The following LIPI variants were observed in gnomAD, a reference collection of about 807,000 sequenced individuals.
LIPI encodes the protein lipase I, also known as lipase member I.
In LIPI, 59 loss-of-function variants were observed where a neutral mutation model predicts 50.6. That is an observed-to-expected ratio of 1.16 (90% CI 0.94 to 1.45). LIPI has a LOEUF of 1.45. LIPI is among the 40% of genes most tolerant of loss of function. The pLI is 0.00. For missense variants in LIPI, 586 were observed against 536.3 expected, an observed-to-expected ratio of 1.09 and a Z score of -0.92; for synonymous variants, 203 against 178.2, an observed-to-expected ratio of 1.14 and a Z score of -1.11.
chr21:14,171,147 C>A (rs1371502271), intron 4 of LIPI, among the ~76,000 whole-genome samples: 1 of 150,366 alleles, frequency 6.7e-6, no homozygotes, highest in Non-Finnish European at 1.5e-5. Context: ...ACCTAGGAAT[C>A]CAACTTACAA....
chr21:14,152,118 T>C (rs895889541), intron 8 of LIPI, among the ~76,000 whole-genome samples: 4 of 148,530 alleles, frequency 2.7e-5, no homozygotes, highest in Non-Finnish European at 5.9e-5. Context: ...TTTATTTATT[T>C]GAAATGGAGT....
chr21:14,111,092 G>C (rs1169232008), intron 9 of LIPI, among the ~76,000 whole-genome samples: 1 of 151,614 alleles, frequency 6.6e-6, no homozygotes, highest in Non-Finnish European at 1.5e-5. Flanking sequence ...CATTTCCTTT[G>C]ATATACACCC....
chr21:14,205,712 T>C (rs377327004), intron 1 of LIPI, among the ~76,000 whole-genome samples: 3 of 152,238 alleles, frequency 2.0e-5, no homozygotes, highest in East Asian at 3.9e-4. Flanking sequence ...AATATTCATT[T>C]CTTAGTTTAA....
In LIPI at chr21:14,158,661, T is replaced by C. The variant is rs544163633; in HGVS notation, c.1006+4758A>G. Among the ~76,000 whole-genome samples the C allele has an allele frequency of 2.0e-5, 3 of 148,962 alleles. No individual in the cohort carries two copies. In the East Asian group the frequency reaches 5.8e-4, roughly 29 times the overall value. On this transcript the variant is annotated intron_variant, in intron 7 of 9. Coordinates refer to ENST00000681601, the MANE Select transcript of LIPI (RefSeq NM_001302998.2). Reference sequence around the variant, plus strand: ...TATAGAGAGAGAACAAAGCAGAAATTAATGAAATTTAATAACAGAACATGA... The same window carrying C: ...TATAGAGAGAGAACAAAGCAGAAATCAATGAAATTTAATAACAGAACATGA...
At chr21:14,184,012 A>G (rs2019365846) in intron 3 of LIPI, among the ~76,000 whole-genome samples, 1 of 152,196 alleles carries the variant, frequency 6.6e-6, no homozygotes, top group Non-Finnish European at 1.5e-5. Context: ...TGCTGCTATA[A>G]AGACACATGC....
Position 14,161,589 on chromosome 21 carries a change from TATATA to T in LIPI, c.1006+1825_1006+1829del, listed in dbSNP as rs1416547235. Among the ~76,000 whole-genome samples the T allele has an allele frequency of 4.6e-3, 529 of 116,094 alleles. 20 individuals are homozygous for T. The highest frequency in any genetic ancestry group is 0.018 in the African/African-American group (490 of 27,308). 76.2% of individuals were successfully genotyped at this position (116,094 alleles called of 152,430 possible). On this transcript the variant is annotated intron_variant, in intron 7 of 9. Transcript: ENST00000681601. ...ATCTATTATATATATAATATATATC[TATATA>T]ATATATTAATATATAATATACATAT...
At chr21:14,146,725 T>G (rs2017917083) in intron 8 of LIPI, among the ~76,000 whole-genome samples, 1 of 151,366 alleles carries the variant, frequency 6.6e-6, no homozygotes, top group South Asian at 2.1e-4. Flanking sequence ...ATAATATATC[T>G]AAGTGTTCTC....
rs118123672 is a variant in LIPI, at chr21:14,144,060, T to G, written c.1295+563A>C. On this transcript the variant is annotated intron_variant, in intron 9 of 9. Coordinates refer to ENST00000681601, the MANE Select transcript of LIPI (RefSeq NM_001302998.2). ...TCCTCACACCTTTATAGTAGACATC[T>G]GAGAACCTCACTCCTGTCAGCATAT... 4.9e-3 allele frequency: 764 copies of G among 154,752 alleles called. 3 individuals are homozygous for G. Among genetic ancestry groups the G allele is most frequent in the Non-Finnish European group, 9.2e-3 (636 of 68,848 alleles). The allele number at this position is 154,752 out of a possible 1,614,324, so 9.6% of individuals were successfully genotyped here. A position where few individuals can be genotyped will look rare whatever the true frequency, so the allele number is the denominator to read the frequency against.
intron 4 of LIPI, among the ~76,000 whole-genome samples, chr21:14,169,159 C>G (rs992229732): frequency 2.0e-5 from 3 of 152,136 alleles, no homozygotes; most frequent in Non-Finnish European, 4.4e-5. Flanking sequence ...ACAAGAAGAG[C>G]TAACTATCCT....
At chr21:14,189,479 A>G (rs2019589262) in intron 1 of LIPI, 60 bp from the exon 2 acceptor site, 3 of 1,469,706 alleles carry the variant, frequency 2.0e-6, no homozygotes, top group Non-Finnish European at 2.8e-6. Context: ...TCCTGTTGCT[A>G]TTGCAAAGAA....
chr21:14,148,082 T>C (rs2017967309), intron 8 of LIPI, among the ~76,000 whole-genome samples: 2 of 152,116 alleles, frequency 1.3e-5, no homozygotes, highest in Admixed American at 1.3e-4. Flanking sequence ...ATTAGTAGTA[T>C]AGAAAAAATA....
chr21:14,205,640 C>T (rs577280036), intron 1 of LIPI, among the ~76,000 whole-genome samples: 17 of 151,862 alleles, frequency 1.1e-4, no homozygotes, highest in Middle Eastern at 3.4e-3. Flanking sequence ...CTCAGTTTAT[C>T]TGTATTTCTC....
chr21:14,119,981 A>G (rs377177163), intron 9 of LIPI, among the ~76,000 whole-genome samples: 2 of 152,180 alleles, frequency 1.3e-5, no homozygotes, highest in East Asian at 1.9e-4. Context: ...ATGCTAAGAT[A>G]TCAAGGGCTC....
At chr21:14,139,327 A>C (rs1296497489) in intron 9 of LIPI, among the ~76,000 whole-genome samples, 1 of 152,142 alleles carries the variant, frequency 6.6e-6, no homozygotes, top group African/African-American at 2.4e-5. Context: ...TAACTTCAAC[A>C]ATATACTTTT....
At chr21:14,177,152 A>AAGTT (rs2019125819) in intron 4 of LIPI, among the ~76,000 whole-genome samples, 1 of 152,142 alleles carries the variant, frequency 6.6e-6, no homozygotes, top group Admixed American at 6.5e-5. Context: ...AGGTACATAC[A>AAGTT]AACTACAATT....
At chr21:14,120,114 T>C (rs1382611556) in intron 9 of LIPI, among the ~76,000 whole-genome samples, 1 of 152,204 alleles carries the variant, frequency 6.6e-6, no homozygotes, top group African/African-American at 2.4e-5. Context: ...ACCACTGCTG[T>C]GTAGAAACAG....
intron 7 of LIPI, among the ~76,000 whole-genome samples, chr21:14,157,275 G>C (rs900518889): frequency 5.9e-5 from 9 of 151,874 alleles, no homozygotes; most frequent in Non-Finnish European, 1.2e-4. Flanking sequence ...GGGAAATGAA[G>C]CTCTAGAGAA....
chr21:14,160,661 T>C (rs1340599695), intron 7 of LIPI, among the ~76,000 whole-genome samples: 2 of 151,332 alleles, frequency 1.3e-5, no homozygotes, highest in Non-Finnish European at 3.0e-5. Flanking sequence ...TCATCAAAAC[T>C]AATCACTTTT....
At chr21:14,130,577 C>G (rs1600842726) in intron 9 of LIPI, among the ~76,000 whole-genome samples, 1 of 152,188 alleles carries the variant, frequency 6.6e-6, no homozygotes, top group East Asian at 1.9e-4. Flanking sequence ...TTCAGCACAC[C>G]TGAGTGGAGC....
Sources: allele counts gnomAD v4.1 joint callset (sites outside exome capture counted in the v4.1 genomes callset), GRCh38; gene constraint gnomAD v4.1.1; transcripts MANE v1.5; gene names NCBI Gene and HGNC (gene_info 2026-07-23, HGNC 2026-07-21).